OR14L1: variants seen among roughly 807,000 people sequenced by gnomAD.
OR14L1 encodes the protein olfactory receptor family 14 subfamily L member 1.
the OR14L1 span, among the ~76,000 whole-genome samples, chr1:247,618,036 G>A: frequency 0.025 from 3,799 of 152,190 alleles, 181 homozygotes; most frequent in African/African-American, 0.087. Flanking sequence ...CCAAGATGAA[G>A]TTGGTTCTTT....
At chr1:247,620,669 G>A in the OR14L1 span, 2 of 152,102 alleles carry the variant, frequency 1.3e-5, no homozygotes, top group Non-Finnish European at 2.9e-5. Flanking sequence ...ATTTTCAATT[G>A]ATTGCTGAGC....
At chr1:247,619,722 T>G in the OR14L1 span, 1 of 152,194 alleles carries the variant, frequency 6.6e-6, no homozygotes, top group Non-Finnish European at 1.5e-5. Flanking sequence ...TTGTACATGC[T>G]GCTCTATTCT....
the OR14L1 span, among the ~76,000 whole-genome samples, chr1:247,618,452 A>G: frequency 2.0e-5 from 3 of 152,084 alleles, no homozygotes; most frequent in Non-Finnish European, 4.4e-5. Flanking sequence ...ATGGGTGAAA[A>G]TCCATTTCAG....
At chr1:247,619,774 A>G in the OR14L1 span, 1 of 152,298 alleles carries the variant, frequency 6.6e-6, no homozygotes, top group South Asian at 2.1e-4. Context: ...TCTCCTAATC[A>G]TCATACTTAC....
chr1:247,618,361 T>C, the OR14L1 span, among the ~76,000 whole-genome samples: 5 of 152,116 alleles, frequency 3.3e-5, no homozygotes, highest in African/African-American at 9.7e-5. Flanking sequence ...CATAGGCATA[T>C]ACAACTGCGA....
the OR14L1 span, chr1:247,621,295 T>C: frequency 6.6e-6 from 1 of 152,228 alleles, no homozygotes; most frequent in Non-Finnish European, 1.5e-5. Context: ...GTATTCTATC[T>C]ATATAAATAT....
the OR14L1 span, chr1:247,620,983 A>G: frequency 6.6e-6 from 1 of 152,316 alleles, no homozygotes; most frequent in South Asian, 2.1e-4. Flanking sequence ...GAAAATAAAC[A>G]TAAGGTAACA....
chr1:247,618,176 G>A, the OR14L1 span, among the ~76,000 whole-genome samples: 1 of 152,024 alleles, frequency 6.6e-6, no homozygotes, highest in Non-Finnish European at 1.5e-5. Flanking sequence ...GAGACATTCA[G>A]TTGACTCCAT....
At chr1:247,618,341 G>A in the OR14L1 span, among the ~76,000 whole-genome samples, 1 of 152,120 alleles carries the variant, frequency 6.6e-6, no homozygotes, top group Non-Finnish European at 1.5e-5. Flanking sequence ...CCTGGTTGTG[G>A]TGGTGGTTTC....
chr1:247,621,354 T>C, the OR14L1 span: 1 of 152,192 alleles, frequency 6.6e-6, no homozygotes, highest in East Asian at 1.9e-4. Context: ...ACTTAAACTA[T>C]AATATAAATA....
the OR14L1 span, chr1:247,617,191 GT>G: frequency 6.6e-6 from 1 of 152,310 alleles, no homozygotes; most frequent in South Asian, 2.1e-4. Flanking sequence ...CACTCATCAA[GT>G]TTATATTTTT....
the OR14L1 span, among the ~76,000 whole-genome samples, chr1:247,618,820 G>T: frequency 6.6e-6 from 1 of 152,070 alleles, no homozygotes; most frequent in Non-Finnish European, 1.5e-5. Context: ...CAGTAAAATA[G>T]TTCTCAAAAC....
At chr1:247,617,811 G>T in the OR14L1 span, among the ~76,000 whole-genome samples, 1 of 38,524 alleles carries the variant, frequency 2.6e-5, no homozygotes, top group Non-Finnish European at 4.7e-5. Flanking sequence ...TCAATGAAAA[G>T]GATGTGCACA....
chr1:247,621,313 TA>T, the OR14L1 span: 1 of 152,196 alleles, frequency 6.6e-6, no homozygotes, highest in Admixed American at 6.5e-5. Flanking sequence ...TATTCATCTA[TA>T]AAATGCATAG....
the OR14L1 span, chr1:247,622,104 A>C: frequency 2.0e-5 from 3 of 152,166 alleles, no homozygotes; most frequent in Non-Finnish European, 4.4e-5. Context: ...AATTTCACAA[A>C]TATTGCATTT....
At chr1:247,618,749 C>T in the OR14L1 span, among the ~76,000 whole-genome samples, 2 of 152,100 alleles carry the variant, frequency 1.3e-5, no homozygotes, top group Non-Finnish European at 2.9e-5. Context: ...ACGATAAATA[C>T]TTCTGTACCT....
At chr1:247,621,064 A>G in the OR14L1 span, 2 of 152,184 alleles carry the variant, frequency 1.3e-5, no homozygotes, top group Non-Finnish European at 2.9e-5. Context: ...TTCTGGGAGC[A>G]TATCTATTGG....
At chr1:247,620,617 C>G in the OR14L1 span, 1 of 152,120 alleles carries the variant, frequency 6.6e-6, no homozygotes, top group Admixed American at 6.6e-5. Flanking sequence ...GACTCTTGAA[C>G]TCTTGCTCTA....
chr1:247,618,723 C>G, the OR14L1 span, among the ~76,000 whole-genome samples: 1 of 152,196 alleles, frequency 6.6e-6, no homozygotes, highest in South Asian at 2.1e-4. Context: ...CTAATCCATA[C>G]CCATATCCTA....
Sources: allele counts gnomAD v4.1 joint callset (sites outside exome capture counted in the v4.1 genomes callset), GRCh38; gene constraint gnomAD v4.1.1; transcripts MANE v1.5; gene names NCBI Gene and HGNC (gene_info 2026-07-23, HGNC 2026-07-21).